KCNH1: variants seen among roughly 807,000 people sequenced by gnomAD.
KCNH1 encodes the protein potassium voltage-gated channel subfamily H member 1.
Under a neutral mutation model 69.2 loss-of-function variants are expected in KCNH1, and 27 were observed. That is an observed-to-expected ratio of 0.39 (90% CI 0.29 to 0.54). KCNH1 has a LOEUF of 0.54. Among genes scored for constraint, KCNH1 ranks in the 20% least tolerant of loss-of-function variants. The pLI is 0.68. For synonymous variants in KCNH1, 456 were observed against 487.7 expected (o/e 0.93, Z 0.86); for missense variants, 798 against 1,261.6 (o/e 0.63, Z 5.57).
At position 210,861,795 on chromosome 1, in the gene KCNH1, C is replaced by G. The variant is rs899883385; in HGVS notation, c.1463-57629G>C. ...TTGCTGCTACCAATGGACTCCACTCCTCTAGTTTTTTATACTCATAAGTTT... is the reference window on the plus strand; with the variant it reads ...TTGCTGCTACCAATGGACTCCACTCGTCTAGTTTTTTATACTCATAAGTTT... On this transcript the variant is annotated intron_variant, in intron 7 of 10. Transcript: ENST00000271751. 1.0e-5 allele frequency: 8 copies of G among 767,140 alleles called. No individual in the cohort carries two copies. In the African/African-American group the frequency reaches 1.2e-4, roughly 11 times the overall value. 47.5% of individuals were successfully genotyped at this position (767,140 alleles called of 1,614,324 possible).
At chr1:210,892,758 A>G (rs1487879538) in intron 7 of KCNH1, among the ~76,000 whole-genome samples, 2 of 152,314 alleles carry the variant, frequency 1.3e-5, no homozygotes, top group East Asian at 3.9e-4. Flanking sequence ...TCTTGCCTCA[A>G]GAAGTGTTCC....
chr1:210,981,498 C>T lies in KCNH1; in HGVS notation c.1032+37285G>A, dbSNP rs553402857. Among the ~76,000 whole-genome samples, 4 of 151,922 alleles carry T rather than the reference C, an allele frequency of 2.6e-5. No individual in the cohort carries two copies. In the East Asian group the frequency reaches 5.8e-4, roughly 22 times the overall value. ...TGACTGAGTAGGAGTAACTATGTAG[C>T]TGTCCTAAATGAATTCGGTCATTAA... On this transcript the variant is annotated intron_variant, in intron 6 of 10. Coordinates refer to ENST00000271751, the MANE Select transcript of KCNH1 (RefSeq NM_172362.3).
intron 6 of KCNH1, among the ~76,000 whole-genome samples, chr1:210,998,825 G>C (rs1316353441): frequency 1.3e-5 from 2 of 152,188 alleles, no homozygotes; most frequent in African/African-American, 4.8e-5. Context: ...TCACACCACA[G>C]AGCAATCAAA....
intron 6 of KCNH1, among the ~76,000 whole-genome samples, chr1:210,972,085 T>C (rs976641714): frequency 6.6e-6 from 1 of 152,164 alleles, no homozygotes; most frequent in Non-Finnish European, 1.5e-5. Flanking sequence ...TTATGCTACA[T>C]TGGTGAATGC....
intron 6 of KCNH1, among the ~76,000 whole-genome samples, chr1:210,938,034 T>A (rs1391471793): frequency 6.6e-6 from 1 of 152,216 alleles, no homozygotes; most frequent in African/African-American, 2.4e-5. Flanking sequence ...TATGGGAATG[T>A]CCCTGGAATG....
chr1:210,942,035 C>G (rs1687885624), intron 6 of KCNH1, among the ~76,000 whole-genome samples: 1 of 152,114 alleles, frequency 6.6e-6, no homozygotes, highest in East Asian at 1.9e-4. Context: ...GCCATTAGGC[C>G]TTCTGAGGAT....
intron 8 of KCNH1, among the ~76,000 whole-genome samples, chr1:210,802,943 TA>T (rs372119219): frequency 1.0e-3 from 152 of 151,044 alleles, no homozygotes; most frequent in Non-Finnish European, 1.7e-3. Flanking sequence ...AGTAACTCCT[TA>T]AAAAAAAATG....
chr1:210,838,518 C>T (rs192483044), intron 7 of KCNH1, among the ~76,000 whole-genome samples: 78 of 152,232 alleles, frequency 5.1e-4, no homozygotes, highest in African/African-American at 1.8e-3. Context: ...GCAAAGATTT[C>T]ATGATGAAGA....
Position 210,998,914 on chromosome 1 carries a change from C to T in KCNH1, c.1032+19869G>A, listed in dbSNP as rs544102942. On this transcript the variant is annotated intron_variant, in intron 6 of 10. Transcript: ENST00000271751. ...TGAACAACCTGCTCCTGAATGACTA[C>T]TGGGTACATAATGAAATGAAGGCAG... Among the ~76,000 whole-genome samples the T allele has an allele frequency of 5.9e-5, 9 of 152,276 alleles. No homozygotes were observed. In the South Asian group the frequency reaches 1.9e-3, roughly 32 times the overall value.
At chr1:210,700,754 G>GAACTT in intron 10 of KCNH1, among the ~76,000 whole-genome samples, 1 of 152,220 alleles carries the variant, frequency 6.6e-6, no homozygotes, top group African/African-American at 2.4e-5. Flanking sequence ...TGTTCCAATG[G>GAACTT]AACTTAAAAG....
intron 6 of KCNH1, among the ~76,000 whole-genome samples, chr1:210,957,742 C>G (rs1029453028): frequency 1.3e-5 from 2 of 151,914 alleles, no homozygotes; most frequent in African/African-American, 4.8e-5. Flanking sequence ...GCAACCCATG[C>G]TTTTTTTGCT....
chr1:210,924,239 TAGTA>T (rs1558527707), intron 6 of KCNH1, among the ~76,000 whole-genome samples: 1 of 152,224 alleles, frequency 6.6e-6, no homozygotes, highest in Non-Finnish European at 1.5e-5. Flanking sequence ...ACCTAGTTTG[TAGTA>T]ACATGCTACA....
intron 7 of KCNH1, among the ~76,000 whole-genome samples, chr1:210,816,245 A>G (rs1684813331): frequency 6.6e-6 from 1 of 152,180 alleles, no homozygotes; most frequent in Admixed American, 6.6e-5. Flanking sequence ...AATAGCATGA[A>G]TTCCTACACC....
intron 3 of KCNH1, among the ~76,000 whole-genome samples, chr1:211,095,262 AAAGGAC>A (rs145516189): frequency 7.2e-4 from 110 of 152,358 alleles, no homozygotes; most frequent in African/African-American, 2.3e-3. Flanking sequence ...CCTACTGCAA[AAAGGAC>A]AACGGGTCAA....
rs1337099662 is a variant in KCNH1 at position 210,860,761 on chromosome 1, T to C, written c.1463-56595A>G. 18 of 796,756 alleles carry C rather than the reference T, an allele frequency of 2.3e-5. No individual in the cohort carries two copies. In the Admixed American group the frequency reaches 2.9e-4, roughly 13 times the overall value. 49.4% of individuals were successfully genotyped at this position (796,756 alleles called of 1,614,324 possible). ...CACTTTCACAGGCATGTCTCTGTCA[T>C]CAATCAGACATCTTCTTGTTAGCTC... On this transcript the variant is annotated intron_variant, in intron 7 of 10. Coordinates refer to ENST00000271751, the MANE Select transcript of KCNH1 (RefSeq NM_172362.3).
intron 7 of KCNH1, among the ~76,000 whole-genome samples, chr1:210,810,798 T>C (rs763280839): frequency 1.3e-5 from 2 of 152,210 alleles, no homozygotes; most frequent in African/African-American, 2.4e-5. Flanking sequence ...CCTCATTTAC[T>C]TATGTGCATG....
intron 7 of KCNH1, among the ~76,000 whole-genome samples, chr1:210,882,424 T>C (rs1350965302): frequency 1.3e-5 from 2 of 152,062 alleles, no homozygotes; most frequent in Non-Finnish European, 2.9e-5. Context: ...CAGCTCTAGA[T>C]AGAATCACCT....
intron 1 of KCNH1, among the ~76,000 whole-genome samples, chr1:211,121,210 C>G (rs1691676379): frequency 1.3e-5 from 2 of 152,242 alleles, no homozygotes; most frequent in Middle Eastern, 3.4e-3. Context: ...AAAGAAGACC[C>G]TATATAGCCA....
intron 6 of KCNH1, among the ~76,000 whole-genome samples, chr1:210,977,758 T>G (rs1688641337): frequency 6.6e-6 from 1 of 152,138 alleles, no homozygotes; most frequent in South Asian, 2.1e-4. Flanking sequence ...AAAAATGTAT[T>G]TTTTGCTTTT....
Sources: gnomAD v4.1 joint callset for allele counts (sites outside exome capture counted in the v4.1 genomes callset) on GRCh38, gnomAD v4.1.1 for gene constraint, MANE v1.5 for transcripts, NCBI Gene and HGNC (gene_info 2026-07-23, HGNC 2026-07-21) for gene names.